GNAL: variants seen among roughly 807,000 people sequenced by gnomAD.
GNAL encodes G protein subunit alpha L.
GNAL carries 18 observed loss-of-function variants against 55.1 expected under a neutral mutation model. The observed-to-expected ratio is 0.33, with a 90% CI of 0.23 to 0.48. GNAL has a LOEUF of 0.48. GNAL is among the 20% of genes least tolerant of loss of function. The pLI is 0.99. For missense variants in GNAL, 412 were observed against 614.1 expected (o/e 0.67, Z 3.48); for synonymous variants, 253 against 237.0 (o/e 1.07, Z -0.62).
At chr18:11,861,063 G>A (rs867500654) in intron 5 of GNAL, among the ~76,000 whole-genome samples, 5 of 152,138 alleles carry the variant, frequency 3.3e-5, no homozygotes, top group African/African-American at 1.2e-4. Flanking sequence ...AGGCAACATC[G>A]CCTCCTCTGC....
intron 4 of GNAL, among the ~76,000 whole-genome samples, chr18:11,790,915 C>T (rs1428557397): frequency 1.3e-5 from 2 of 152,086 alleles, no homozygotes; most frequent in African/African-American, 2.4e-5. Flanking sequence ...CCTCAGCTTC[C>T]CTAAGTTCTG....
At chr18:11,876,248 G>A (rs1457355972) in intron 10 of GNAL, among the ~76,000 whole-genome samples, 2 of 152,228 alleles carry the variant, frequency 1.3e-5, no homozygotes, top group African/African-American at 2.4e-5. Flanking sequence ...GGAGGCCAAG[G>A]TGGCCCTGAA....
chr18:11,807,355 C>G (rs2034692046), intron 4 of GNAL, among the ~76,000 whole-genome samples: 1 of 152,118 alleles, frequency 6.6e-6, no homozygotes, highest in Non-Finnish European at 1.5e-5. Flanking sequence ...TGGGAACAGA[C>G]CAGATAGGAG....
chr18:11,749,200 T>G (rs1238197546), intron 1 of GNAL, among the ~76,000 whole-genome samples: 3 of 151,820 alleles, frequency 2.0e-5, no homozygotes, highest in African/African-American at 4.8e-5. Context: ...TGGGTTGATA[T>G]TGCCACGTGT....
chr18:11,725,009 G>A (rs1005016987), intron 1 of GNAL, among the ~76,000 whole-genome samples: 2 of 152,190 alleles, frequency 1.3e-5, no homozygotes, highest in African/African-American at 4.8e-5. Context: ...ATGGCCCGAA[G>A]GGGAGAGCAG....
chr18:11,797,841 G>A (rs919046001), intron 4 of GNAL, among the ~76,000 whole-genome samples: 2 of 152,012 alleles, frequency 1.3e-5, no homozygotes, highest in Non-Finnish European at 2.9e-5. Context: ...ATGGAAAAAG[G>A]CAAAACTAAA....
intron 4 of GNAL, among the ~76,000 whole-genome samples, chr18:11,819,592 G>T (rs2035041950): frequency 6.6e-6 from 1 of 151,806 alleles, no homozygotes; most frequent in Admixed American, 6.6e-5. Context: ...CAGTAATACA[G>T]AAAAAATTAA....
At chr18:11,846,434 A>C (rs2035738035) in intron 5 of GNAL, among the ~76,000 whole-genome samples, 1 of 138,014 alleles carries the variant, frequency 7.2e-6, no homozygotes, top group African/African-American at 2.6e-5. Flanking sequence ...TACATATATA[A>C]ATATATAAAT....
At chr18:11,759,030 G>A (rs1363401291) in intron 4 of GNAL, among the ~76,000 whole-genome samples, 2 of 152,024 alleles carry the variant, frequency 1.3e-5, no homozygotes, top group African/African-American at 4.8e-5. Flanking sequence ...AAAATTAGCC[G>A]GGCATGGTGG....
intron 4 of GNAL, among the ~76,000 whole-genome samples, chr18:11,755,006 G>A (rs866765316): frequency 7.3e-6 from 1 of 137,644 alleles, no homozygotes; most frequent in African/African-American, 3.0e-5. Context: ...GTATGTGTGT[G>A]TGTGTGTGTG....
chr18:11,842,082 C>T (rs1382222083), intron 5 of GNAL, among the ~76,000 whole-genome samples: 1 of 151,954 alleles, frequency 6.6e-6, no homozygotes, highest in Non-Finnish European at 1.5e-5. Flanking sequence ...AAGCAATTCT[C>T]CTGCCTCAGC....
intron 1 of GNAL, among the ~76,000 whole-genome samples, chr18:11,692,630 A>C (rs1368949110): frequency 6.6e-6 from 1 of 152,130 alleles, no homozygotes; most frequent in Non-Finnish European, 1.5e-5. Context: ...CTTAAAAAAA[A>C]AATAGAGACA....
At chr18:11,762,446 G>T (rs2033273954) in intron 4 of GNAL, among the ~76,000 whole-genome samples, 1 of 152,206 alleles carries the variant, frequency 6.6e-6, no homozygotes, top group Non-Finnish European at 1.5e-5. Flanking sequence ...CTCTGGCAGG[G>T]ATACAGGCTT....
intron 5 of GNAL, among the ~76,000 whole-genome samples, chr18:11,828,163 AG>A (rs754679658): frequency 1.9e-4 from 29 of 152,128 alleles, no homozygotes; most frequent in Non-Finnish European, 3.7e-4. Flanking sequence ...GGAGGCTTGC[AG>A]GTGCTGAAAA....
chr18:11,695,369 G>T (rs1598398188), intron 1 of GNAL, among the ~76,000 whole-genome samples: 1 of 152,286 alleles, frequency 6.6e-6, no homozygotes, highest in East Asian at 1.9e-4. Context: ...TAGGCTTTCG[G>T]GGCTCACGCA....
rs1381400783 is a variant in GNAL, at chr18:11,751,462, G to A, written c.377-1391G>A. The A allele has an allele frequency of 6.1e-6, 6 of 978,306 alleles. No individual in the cohort carries two copies. The highest frequency in any genetic ancestry group is 3.5e-5 in the African/African-American group (2 of 57,130). The allele number at this position is 978,306 out of a possible 1,614,324, so 60.6% of individuals were successfully genotyped here. A position where few individuals can be genotyped will look rare whatever the true frequency, so the allele number is the denominator to read the frequency against. On this transcript the variant is annotated intron_variant, in intron 1 of 11. Transcript: ENST00000334049. The surrounding 1 kb of genome is among the most constrained non-coding windows in gnomAD (Gnocchi z 4.5). ...AGGCTCGGGAGGCGGCGACGTGGGC[G>A]AGCTGGAATAGTCTAGAAGCTGAGC...
intron 11 of GNAL, 148 bp from the exon 12 acceptor site, chr18:11,880,841 T>G: frequency 1.3e-6 from 1 of 762,568 alleles, no homozygotes; most frequent in Non-Finnish European, 2.1e-6. Context: ...ATGCTTGCAT[T>G]GAGACCATTC....
At position 11,868,777 on chromosome 18, in the gene GNAL, G is replaced by A. The variant is rs539028900; in HGVS notation, c.1031+114G>A. On this transcript the variant is annotated intron_variant, in intron 9 of 11. Coordinates refer to ENST00000334049, the MANE Select transcript of GNAL (RefSeq NM_182978.4). The surrounding 1 kb of genome is among the most constrained non-coding windows in gnomAD (Gnocchi z 4.0). Reference sequence around the variant, plus strand: ...CCTGTAATCTCAACACTGGGAGGCCGAGGCAGGTGTGTCACTTGAGCTCAG... The same window carrying A: ...CCTGTAATCTCAACACTGGGAGGCCAAGGCAGGTGTGTCACTTGAGCTCAG... 119 of 797,852 alleles carry A rather than the reference G, an allele frequency of 1.5e-4. 1 individual carries two copies. Among genetic ancestry groups the A allele is most frequent in the South Asian group, 4.9e-4 (27 of 54,868 alleles). The allele number at this position is 797,852 out of a possible 1,614,324, so 49.4% of individuals were successfully genotyped here. A position where few individuals can be genotyped will look rare whatever the true frequency, so the allele number is the denominator to read the frequency against.
intron 7 of GNAL, among the ~76,000 whole-genome samples, chr18:11,866,904 G>A (rs1174244110): frequency 7.2e-6 from 1 of 139,720 alleles, no homozygotes. Flanking sequence ...TGGGACCTCA[G>A]ACACTGCCGG....
Sources: allele counts gnomAD v4.1 joint callset (sites outside exome capture counted in the v4.1 genomes callset), GRCh38; gene constraint gnomAD v4.1.1; non-coding constraint Gnocchi (gnomAD v3.1); transcripts MANE v1.5; gene names NCBI Gene and HGNC (gene_info 2026-07-23, HGNC 2026-07-21).